Variants in TBC1D22A observed in about 807,000 individuals in gnomAD.
TBC1D22A encodes TBC1 domain family member 22A.
In TBC1D22A, 38 loss-of-function variants were observed where a neutral mutation model predicts 60.2. The observed-to-expected ratio is 0.63, with a 90% CI of 0.49 to 0.83. The LOEUF (loss-of-function observed/expected upper bound fraction) is 0.83. Among genes scored for constraint, TBC1D22A ranks in the 40% least tolerant of loss-of-function variants. The pLI is 0.00. For missense variants in TBC1D22A, 628 were observed against 701.0 expected (o/e 0.90, Z 1.18); for synonymous variants, 302 against 281.7 (o/e 1.07, Z -0.72).
chr22:47,111,242 A>G (rs1449310846), intron 11 of TBC1D22A, among the ~76,000 whole-genome samples: 1 of 152,270 alleles, frequency 6.6e-6, no homozygotes, highest in Non-Finnish European at 1.5e-5. Context: ...AGAGAGAAGA[A>G]TGAACAACCG....
At chr22:46,791,158 A>G (rs1419169143) in intron 1 of TBC1D22A, among the ~76,000 whole-genome samples, 2 of 152,166 alleles carry the variant, frequency 1.3e-5, no homozygotes, top group African/African-American at 2.4e-5. Context: ...AGCTGGGACC[A>G]CAGGCTTATG....
At chr22:47,067,931 C>T (rs1330678034) in intron 11 of TBC1D22A, among the ~76,000 whole-genome samples, 2 of 152,234 alleles carry the variant, frequency 1.3e-5, no homozygotes, top group African/African-American at 2.4e-5. Context: ...TCTGAACATT[C>T]GGACTCCATG....
At chr22:47,012,094 A>C (rs2148303075) in intron 10 of TBC1D22A, among the ~76,000 whole-genome samples, 1 of 151,848 alleles carries the variant, frequency 6.6e-6, no homozygotes, top group South Asian at 2.1e-4. Flanking sequence ...GGCCTCTCCC[A>C]GCAATCGACC....
intron 11 of TBC1D22A, among the ~76,000 whole-genome samples, chr22:47,063,382 G>A (rs1258989956): frequency 2.0e-5 from 3 of 152,138 alleles, no homozygotes; most frequent in Admixed American, 6.5e-5. Flanking sequence ...TGGAAGTTAG[G>A]CCCGGCCTCG....
At chr22:46,995,323 C>T (rs1001736150) in intron 9 of TBC1D22A, among the ~76,000 whole-genome samples, 1 of 152,194 alleles carries the variant, frequency 6.6e-6, no homozygotes, top group African/African-American at 2.4e-5. Flanking sequence ...AATCCAGAGC[C>T]TGTCACTTGA....
intron 8 of TBC1D22A, chr22:46,913,351 C>A (rs17762500): frequency 1.5e-6 from 2 of 1,366,254 alleles, no homozygotes; most frequent in South Asian, 2.3e-5. Flanking sequence ...AGGTTGTGGT[C>A]GGCCTCAGAT....
intron 4 of TBC1D22A, among the ~76,000 whole-genome samples, chr22:46,819,962 T>C (rs951098969): frequency 6.6e-6 from 1 of 152,238 alleles, no homozygotes; most frequent in African/African-American, 2.4e-5. Flanking sequence ...TGGTTTAGTC[T>C]AGTTAGGGTA....
rs1020701852 is a variant in TBC1D22A, at chr22:46,990,346, GT to G, written c.1126-7281del. On this transcript the variant is annotated intron_variant, in intron 9 of 12. Transcript: ENST00000337137. The surrounding 1 kb of genome is among the most constrained non-coding windows in gnomAD (Gnocchi z 4.6). ...TATTTTTTTCAATTAATGGAGTTTG[GT>G]TTTTTTAGAGCAGTTTTAGCTTTCC... 1.1e-4 allele frequency among the ~76,000 whole-genome samples: 16 copies of G among 151,744 alleles called. No homozygotes were observed. Among genetic ancestry groups the G allele is most frequent in the Admixed American group, 1.0e-3 (16 of 15,260 alleles).
intron 4 of TBC1D22A, among the ~76,000 whole-genome samples, chr22:46,816,793 TTTAA>T (rs2085621374): frequency 6.6e-6 from 1 of 152,212 alleles, no homozygotes; most frequent in Non-Finnish European, 1.5e-5. Context: ...CACAGGCCAC[TTTAA>T]CATTTCACGG....
intron 12 of TBC1D22A, among the ~76,000 whole-genome samples, chr22:47,154,441 C>A (rs1018660479): frequency 6.6e-6 from 1 of 152,196 alleles, no homozygotes; most frequent in African/African-American, 2.4e-5. Flanking sequence ...AATGCCCCCC[C>A]GCTTGAAATT....
chr22:46,791,081 C>T (rs1221939613), intron 1 of TBC1D22A, among the ~76,000 whole-genome samples: 1 of 151,902 alleles, frequency 6.6e-6, no homozygotes, highest in African/African-American at 2.4e-5. Context: ...GACAGGGTCT[C>T]ACTGTGTAAC....
At chr22:47,104,032 C>T (rs1367343386) in intron 11 of TBC1D22A, among the ~76,000 whole-genome samples, 2 of 152,152 alleles carry the variant, frequency 1.3e-5, no homozygotes, top group African/African-American at 4.8e-5. Context: ...CTTGGCTGGG[C>T]ACGGTGGCTC....
At chr22:47,151,992 C>T (rs751353182) in intron 12 of TBC1D22A, among the ~76,000 whole-genome samples, 6 of 152,172 alleles carry the variant, frequency 3.9e-5, no homozygotes, top group Admixed American at 2.6e-4. Context: ...CGTGTGCGGC[C>T]GTGGTCTGGG....
chr22:47,038,403 G>C (rs1007616906), intron 11 of TBC1D22A, among the ~76,000 whole-genome samples: 1 of 152,208 alleles, frequency 6.6e-6, no homozygotes, highest in Non-Finnish European at 1.5e-5. Flanking sequence ...CAGGCACTGC[G>C]TTGGGTCCCA....
rs375788882 is a variant in TBC1D22A, at chr22:47,049,443, C to T, written c.1329+12245C>T. 2.2e-4 allele frequency among the ~76,000 whole-genome samples: 33 copies of T among 152,334 alleles called. 1 individual carries two copies. Among genetic ancestry groups the T allele is most frequent in the African/African-American group, 7.0e-4 (29 of 41,586 alleles). On this transcript the variant is annotated intron_variant, in intron 11 of 12. Coordinates refer to ENST00000337137, the MANE Select transcript of TBC1D22A (RefSeq NM_014346.5). ...ACCTGCAGGTGAATGCACTTCTCAG[C>T]GGGCCTCCTTCACTTCCTGTTTTCT...
At chr22:47,078,705 T>C (rs552106252) in intron 11 of TBC1D22A, among the ~76,000 whole-genome samples, 1 of 152,370 alleles carries the variant, frequency 6.6e-6, no homozygotes, top group East Asian at 1.9e-4. Context: ...GATCATCCAG[T>C]GTCTGCTGCA....
chr22:46,777,975 C>T lies in TBC1D22A; in HGVS notation c.63-14545C>T, dbSNP rs1298220825. ...GCTCTGAGGCTATGTGCCTGTACAG[C>T]ATGGTACTGTTCTGAATACTGCAGG... On this transcript the variant is annotated intron_variant, in intron 1 of 12. Coordinates refer to ENST00000337137, the MANE Select transcript of TBC1D22A (RefSeq NM_014346.5). This position sits in a 1 kb window ranked among gnomAD's most constrained non-coding sequence, Gnocchi z 4.5. Among the ~76,000 whole-genome samples, 1 of 152,204 alleles carries T rather than the reference C, an allele frequency of 6.6e-6. No individual in the cohort carries two copies. Among genetic ancestry groups the T allele is most frequent in the African/African-American group, 2.4e-5 (1 of 41,452 alleles).
At chr22:47,053,207 C>T (rs1343486900) in intron 11 of TBC1D22A, among the ~76,000 whole-genome samples, 2 of 152,234 alleles carry the variant, frequency 1.3e-5, no homozygotes, top group African/African-American at 4.8e-5. Context: ...CCCCTCCGGC[C>T]TGGAGGGCTC....
intron 8 of TBC1D22A, among the ~76,000 whole-genome samples, chr22:46,960,104 A>G (rs1420246467): frequency 6.6e-6 from 1 of 152,214 alleles, no homozygotes; most frequent in Non-Finnish European, 1.5e-5. Context: ...TGGAGCAGGC[A>G]AAAGGGCCTG....
Sources: allele counts gnomAD v4.1 joint callset (sites outside exome capture counted in the v4.1 genomes callset), GRCh38; gene constraint gnomAD v4.1.1; non-coding constraint Gnocchi (gnomAD v3.1); transcripts MANE v1.5; gene names NCBI Gene and HGNC (gene_info 2026-07-23, HGNC 2026-07-21).